GK5: variants seen among roughly 807,000 people sequenced by gnomAD.
GK5 encodes ATP:glycerol 3-phosphotransferase 5.
In GK5, 39 loss-of-function variants were observed where a neutral mutation model predicts 77.3. The ratio of observed to expected loss-of-function variants is 0.50; its 90% CI spans 0.39 to 0.66. GK5 has a LOEUF of 0.66. Among genes scored for constraint, GK5 ranks in the 30% least tolerant of loss-of-function variants. GK5 has a pLI of 0.00. For missense variants in GK5, 487 were observed against 633.8 expected (o/e 0.77, Z 2.49); for synonymous variants, 211 against 208.0 (o/e 1.01, Z -0.13).
intron 11 of GK5, among the ~76,000 whole-genome samples, chr3:142,180,139 G>C (rs981340429): frequency 1.3e-5 from 2 of 152,066 alleles, no homozygotes; most frequent in African/African-American, 4.8e-5. Flanking sequence ...CTAAGAGTAT[G>C]GGGGGAAATC....
At chr3:142,185,184 G>A (rs2063752032) in intron 9 of GK5, 1 of 845,182 alleles carries the variant, frequency 1.2e-6, no homozygotes, top group Non-Finnish European at 1.4e-6. Context: ...AGGCAAAGGT[G>A]GCAGAAGGCC....
chr3:142,161,360 C>G lies in GK5; in HGVS notation c.*4262G>C, dbSNP rs1264513203. On this transcript the variant is annotated 3_prime_UTR_variant, in exon 16 of 16. Coordinates refer to ENST00000392993, the MANE Select transcript of GK5 (RefSeq NM_001039547.3). ...TCAGGTAATCCGTCCTCCTTGGCCTCCCAAAGTGCTGGGAAGAGTATAGTT... is the reference window on the plus strand; with the variant it reads ...TCAGGTAATCCGTCCTCCTTGGCCTGCCAAAGTGCTGGGAAGAGTATAGTT... 1 of 152,184 alleles carries G rather than the reference C, an allele frequency of 6.6e-6. No individual in the cohort carries two copies. The highest frequency in any genetic ancestry group is 1.5e-5 in the Non-Finnish European group (1 of 68,060). The allele number at this position is 152,184 out of a possible 1,614,324, so 9.4% of individuals were successfully genotyped here.
chr3:142,206,514 A>T (rs1446994330), intron 3 of GK5, among the ~76,000 whole-genome samples: 1 of 152,170 alleles, frequency 6.6e-6, no homozygotes, highest in Non-Finnish European at 1.5e-5. Flanking sequence ...CTGATTACTA[A>T]TGACATTGAG....
chr3:142,196,572 A>G (rs2063936331), intron 5 of GK5, among the ~76,000 whole-genome samples: 2 of 151,768 alleles, frequency 1.3e-5, no homozygotes, highest in Non-Finnish European at 2.9e-5. Flanking sequence ...TTCTCCTTGG[A>G]CCCTTTGGTT....
intron 1 of GK5, among the ~76,000 whole-genome samples, chr3:142,218,011 C>T (rs2064296219): frequency 6.6e-6 from 1 of 152,036 alleles, no homozygotes; most frequent in South Asian, 2.1e-4. Flanking sequence ...TAGAGGCACA[C>T]TACCCAATTT....
At chr3:142,199,904 T>A (rs762081453) in intron 4 of GK5, among the ~76,000 whole-genome samples, 8 of 152,106 alleles carry the variant, frequency 5.3e-5, no homozygotes, top group Non-Finnish European at 8.8e-5. Context: ...TTGTTAATCC[T>A]ACCTCACTCC....
intron 1 of GK5, among the ~76,000 whole-genome samples, chr3:142,223,121 C>T (rs951391575): frequency 6.6e-5 from 10 of 152,208 alleles, no homozygotes; most frequent in African/African-American, 2.2e-4. Context: ...TCCTGGCCTC[C>T]TGCCACTCAC....
intron 12 of GK5, among the ~76,000 whole-genome samples, chr3:142,176,532 G>C (rs898626037): frequency 1.3e-5 from 2 of 151,624 alleles, no homozygotes; most frequent in African/African-American, 4.8e-5. Context: ...ATTAAAGGTA[G>C]TATCAGAGAT....
chr3:142,225,087 C>G (rs1436177192), intron 1 of GK5, among the ~76,000 whole-genome samples: 2 of 152,206 alleles, frequency 1.3e-5, no homozygotes, highest in East Asian at 3.9e-4. Context: ...CTGGCACCCT[C>G]AGCCTGGACA....
chr3:142,184,845 AAAC>A (rs756928414), intron 9 of GK5: 95 of 980,972 alleles, frequency 9.7e-5, no homozygotes, highest in East Asian at 2.3e-4. Flanking sequence ...TCCATCTCAA[AAAC>A]AACAACAACA....
chr3:142,194,696 T>A (rs1017440999), intron 5 of GK5, among the ~76,000 whole-genome samples: 12 of 146,876 alleles, frequency 8.2e-5, no homozygotes, highest in African/African-American at 2.0e-4. Context: ...AAAAAGAAAA[T>A]TTTTTTTTTT....
intron 1 of GK5, 129 bp downstream of exon 1, chr3:142,225,180 G>T (rs1044267003): frequency 9.8e-7 from 1 of 1,024,832 alleles, no homozygotes; most frequent in Non-Finnish European, 1.3e-6. Flanking sequence ...TGGCCCCAGG[G>T]CCCGCGGGTG....
chr3:142,166,597 G>A (rs866360960), intron 15 of GK5, among the ~76,000 whole-genome samples: 41 of 152,052 alleles, frequency 2.7e-4, no homozygotes, highest in Admixed American at 1.0e-3. Context: ...AGAGTGGTGC[G>A]ATCTCAGCTC....
In GK5 at chr3:142,181,583, G is replaced by A. The variant is rs544188600; in HGVS notation, c.944-18C>T. 7 of 1,508,922 alleles carry A rather than the reference G, an allele frequency of 4.6e-6. No individual in the cohort carries two copies. The highest frequency in any genetic ancestry group is 2.3e-5 in the East Asian group (1 of 44,228). The allele number at this position is 1,508,922 out of a possible 1,614,324, so 93.5% of individuals were successfully genotyped here. A position where few individuals can be genotyped will look rare whatever the true frequency, so the allele number is the denominator to read the frequency against. ...ATAAAAGCCTTGCAAAACAAACAAC[G>A]AATGTTAAGTCAAATATATGCATAA... On this transcript the variant is annotated intron_variant, in intron 10 of 15. Transcript: ENST00000392993.
At chr3:142,199,079 C>A (rs2063979143) in intron 4 of GK5, 146 bp from the exon 5 acceptor site, 1 of 548,246 alleles carries the variant, frequency 1.8e-6, no homozygotes, top group Non-Finnish European at 3.1e-6. Flanking sequence ...AAATAAAAAA[C>A]AGCAATATTA....
chr3:142,204,807 T>C lies in GK5; in HGVS notation c.318-19A>G. On this transcript the variant is annotated intron_variant, in intron 3 of 15. Transcript: ENST00000392993. ...TGTTTTCCTAGAAAGAATAAAACAG[T>C]ATTTTGAGACCCAGCATAAATCAGA... 1 of 1,320,244 alleles carries C rather than the reference T, an allele frequency of 7.6e-7. No homozygotes were observed. The highest frequency in any genetic ancestry group is 1.3e-5 in the South Asian group (1 of 79,546). The allele number at this position is 1,320,244 out of a possible 1,614,324, so 81.8% of individuals were successfully genotyped here.
chr3:142,193,989 C>T (rs1052702477), intron 5 of GK5, among the ~76,000 whole-genome samples: 3 of 152,148 alleles, frequency 2.0e-5, no homozygotes, highest in South Asian at 2.1e-4. Flanking sequence ...GATCCACCCC[C>T]CTCGGCCTCC....
chr3:142,172,135 T>A (rs2063547662), intron 13 of GK5, among the ~76,000 whole-genome samples: 1 of 152,070 alleles, frequency 6.6e-6, no homozygotes, highest in Non-Finnish European at 1.5e-5. Context: ...TTTTCAGATA[T>A]CAAGTCTGAG....
chr3:142,203,178 A>G (rs2107790501), intron 4 of GK5, among the ~76,000 whole-genome samples: 1 of 152,220 alleles, frequency 6.6e-6, no homozygotes, highest in South Asian at 2.1e-4. Context: ...AACCACTTTT[A>G]CTCCCTCAAT....
Sources: allele counts gnomAD v4.1 joint callset (sites outside exome capture counted in the v4.1 genomes callset), GRCh38; gene constraint gnomAD v4.1.1; transcripts MANE v1.5; gene names NCBI Gene and HGNC (gene_info 2026-07-23, HGNC 2026-07-21).